The following SAMD12 variants were observed in gnomAD, a reference collection of about 807,000 sequenced individuals.
SAMD12 encodes sterile alpha motif domain-containing protein 12.
A neutral mutation model predicts 15.0 loss-of-function variants in SAMD12; 9 were observed. That is an observed-to-expected ratio of 0.60 (90% CI 0.36 to 1.05). SAMD12 has a LOEUF of 1.05. Ranked by LOEUF, SAMD12 falls within the 50% of genes least tolerant of loss-of-function variation. The pLI, the probability that SAMD12 is intolerant of heterozygous loss-of-function variation, is 0.01. For missense variants in SAMD12, 230 were observed against 234.2 expected (o/e 0.98, Z 0.12); for synonymous variants, 86 against 90.1 (o/e 0.96, Z 0.25).
At chr8:118,471,030 C>T (rs978315681) in intron 2 of SAMD12, among the ~76,000 whole-genome samples, 2 of 152,122 alleles carry the variant, frequency 1.3e-5, no homozygotes, top group Non-Finnish European at 2.9e-5. Context: ...CTGTGAAATA[C>T]AGTATTTAAA....
downstream of SAMD12, chr8:118,377,972 T>G (rs1370340483): frequency 5.9e-5 from 9 of 152,228 alleles, no homozygotes; most frequent in Admixed American, 5.9e-4. Flanking sequence ...AATAAGAATT[T>G]AAGTCACCCA....
intron 4 of SAMD12, among the ~76,000 whole-genome samples, chr8:118,338,479 AAAAC>A (rs1261163543): frequency 2.0e-5 from 3 of 152,256 alleles, no homozygotes; most frequent in Non-Finnish European, 4.4e-5. Context: ...AACGGACTAA[AAAAC>A]AATGTGTTAA....
At chr8:118,176,989 CAG>C in the SAMD12 span, among the ~76,000 whole-genome samples, 1 of 152,090 alleles carries the variant, frequency 6.6e-6, no homozygotes, top group Non-Finnish European at 1.5e-5. Context: ...GAGAAAAGAC[CAG>C]AGTGTTGAGA....
At chr8:118,308,502 A>G (rs1462927565) in intron 4 of SAMD12, among the ~76,000 whole-genome samples, 1 of 152,180 alleles carries the variant, frequency 6.6e-6, no homozygotes, top group African/African-American at 2.4e-5. Flanking sequence ...AATTGACCCC[A>G]GCAGAACCGG....
At chr8:118,463,911 G>T (rs1013594074) in intron 2 of SAMD12, among the ~76,000 whole-genome samples, 7 of 152,094 alleles carry the variant, frequency 4.6e-5, no homozygotes, top group Admixed American at 6.5e-5. Context: ...GAATTATAGG[G>T]CCTTAATTAG....
chr8:118,538,342 G>A (rs1490390889), intron 2 of SAMD12, among the ~76,000 whole-genome samples: 1 of 152,190 alleles, frequency 6.6e-6, no homozygotes, highest in Non-Finnish European at 1.5e-5. Context: ...AAGAACTGTA[G>A]TCCTTGTGGC....
intron 2 of SAMD12, among the ~76,000 whole-genome samples, chr8:118,441,111 T>C (rs1822747628): frequency 6.6e-6 from 1 of 151,952 alleles, no homozygotes; most frequent in South Asian, 2.1e-4. Context: ...GACATGTGTG[T>C]TGTTGTTGTT....
At chr8:118,492,854 A>C (rs1824489681) in intron 2 of SAMD12, among the ~76,000 whole-genome samples, 1 of 152,156 alleles carries the variant, frequency 6.6e-6, no homozygotes, top group African/African-American at 2.4e-5. Context: ...GTACTTATAA[A>C]AATTACTTCC....
intron 3 of SAMD12, among the ~76,000 whole-genome samples, chr8:118,439,346 G>A (rs1157774607): frequency 6.6e-6 from 1 of 152,144 alleles, no homozygotes; most frequent in African/African-American, 2.4e-5. Flanking sequence ...GAGGACAGGA[G>A]TGTCAGGAAA....
intron 3 of SAMD12, among the ~76,000 whole-genome samples, chr8:118,392,512 T>C (rs1354526042): frequency 6.6e-6 from 1 of 151,132 alleles, no homozygotes; most frequent in Non-Finnish European, 1.5e-5. Context: ...AGGTAAGAGG[T>C]CACCCAAGAC....
intron 4 of SAMD12, among the ~76,000 whole-genome samples, chr8:118,205,921 G>GA (rs1020787617): frequency 2.6e-5 from 4 of 151,684 alleles, no homozygotes; most frequent in South Asian, 2.1e-4. Context: ...AGCCCTTGGG[G>GA]AAAAAAAAGG....
intron 3 of SAMD12, among the ~76,000 whole-genome samples, chr8:118,417,264 T>C (rs1821746285): frequency 6.6e-6 from 1 of 152,124 alleles, no homozygotes; most frequent in African/African-American, 2.4e-5. Flanking sequence ...AAAATTATTT[T>C]GTAGAGACAG....
intron 1 of SAMD12, among the ~76,000 whole-genome samples, chr8:118,586,944 T>C (rs1404241120): frequency 6.6e-6 from 1 of 152,232 alleles, no homozygotes; most frequent in Non-Finnish European, 1.5e-5. Context: ...AATCTAATTG[T>C]GTAATTCACC....
intron 4 of SAMD12, among the ~76,000 whole-genome samples, chr8:118,200,717 T>C (rs780974027): frequency 3.5e-4 from 53 of 152,230 alleles, no homozygotes; most frequent in Non-Finnish European, 7.3e-4. Flanking sequence ...TGGGTCACCA[T>C]GCTGAGATGG....
At position 118,364,902 on chromosome 8, in the gene SAMD12, G is replaced by A. The variant is rs576387226; in HGVS notation, c.433+14658C>T. Among the ~76,000 whole-genome samples, 4 of 152,028 alleles carry A rather than the reference G, an allele frequency of 2.6e-5. No homozygotes were observed. In the East Asian group the frequency reaches 7.8e-4, roughly 30 times the overall value. ...CCTCATTTGCCACCACCCTCATCCAGGTTGTTATCATATCCTGTGTAGATT... is the reference window on the plus strand; with the variant it reads ...CCTCATTTGCCACCACCCTCATCCAAGTTGTTATCATATCCTGTGTAGATT... On this transcript the variant is annotated intron_variant, in intron 4 of 4. Transcript: ENST00000409003.
intron 4 of SAMD12, among the ~76,000 whole-genome samples, chr8:118,304,060 C>T (rs1815183198): frequency 6.6e-6 from 1 of 152,154 alleles, no homozygotes; most frequent in Non-Finnish European, 1.5e-5. Context: ...TGTCTTCATC[C>T]TTCAAAGGAT....
chr8:118,481,642 T>C (rs1278958205), intron 2 of SAMD12, among the ~76,000 whole-genome samples: 1 of 152,136 alleles, frequency 6.6e-6, no homozygotes, highest in Non-Finnish European at 1.5e-5. Context: ...CTGTGCTAGA[T>C]GGTCTGGGGA....
chr8:118,203,384 TTGTGTG>T (rs55916454), intron 4 of SAMD12, among the ~76,000 whole-genome samples: 3 of 149,128 alleles, frequency 2.0e-5, no homozygotes, highest in Non-Finnish European at 3.0e-5. Context: ...TGGTAACAAC[TTGTGTG>T]TGTGTGTGTG....
intron 3 of SAMD12, among the ~76,000 whole-genome samples, chr8:118,386,777 A>G (rs1819986020): frequency 6.6e-6 from 1 of 152,182 alleles, no homozygotes; most frequent in Non-Finnish European, 1.5e-5. Flanking sequence ...TGCAACAGAC[A>G]GCCTGGCACA....
Sources: allele counts gnomAD v4.1 joint callset (sites outside exome capture counted in the v4.1 genomes callset), GRCh38; gene constraint gnomAD v4.1.1; transcripts MANE v1.5; gene names NCBI Gene and HGNC (gene_info 2026-07-23, HGNC 2026-07-21).